LRP6: variants seen among roughly 807,000 people sequenced by gnomAD.
LRP6 encodes the protein low-density lipoprotein receptor-related protein 6.
A neutral mutation model predicts 184.1 loss-of-function variants in LRP6; 43 were observed. That is an observed-to-expected ratio of 0.23 (90% CI 0.18 to 0.30). The LOEUF is 0.30. Among genes scored for constraint, LRP6 ranks in the 10% least tolerant of loss-of-function variants. The probability of loss-of-function intolerance (pLI) is 1.00; values close to 1 mark genes in which losing one functional copy is unlikely to be tolerated. For missense variants in LRP6, 1,571 were observed against 2,005.3 expected (o/e 0.78, Z 4.14); for synonymous variants, 719 against 684.9 (o/e 1.05, Z -0.78).
In LRP6 at chr12:12,147,379, G is replaced by C; in HGVS notation, c.3384C>G (p.Ser1128Arg). The change falls in exon 15 of 23, where the codon AGC (serine) becomes AGG (arginine). Residue 1128 changes from serine (S) to arginine (R), a missense_variant. By Grantham distance (110) the Ser-to-Arg change is moderately radical (BLOSUM62 -1). Around this residue, in one of 4 missense-constraint regions of LRP6, gnomAD observed 763 missense variants for 859.5 expected, o/e 0.89. Coordinates refer to ENST00000261349, the MANE Select transcript of LRP6 (RefSeq NM_002336.3). ...TTTCTTGGGTACCTGAGAGATCACT[G>C]CTTTCAATTCGCCGGAGATCTGAAT... is the stretch of plus-strand genomic sequence containing the variant. ...WADSDLRRIE[S>R]SDLSGANRIV... 5 of 1,614,126 alleles carry C rather than the reference G, an allele frequency of 3.1e-6. No homozygotes were observed. Among genetic ancestry groups the C allele is most frequent in the Non-Finnish European group, 4.2e-6 (5 of 1,180,004 alleles).
Position 12,160,028 on chromosome 12 carries a change from T to C in LRP6, c.2280-64A>G, listed in dbSNP as rs1027260404. 3.3e-6 allele frequency: 4 copies of C among 1,205,782 alleles called. 1 individual carries two copies. The Admixed American group carries it at 8.3e-5, about 25-fold the overall frequency. The allele number at this position is 1,205,782 out of a possible 1,614,324, so 74.7% of individuals were successfully genotyped here. ...TTATTATCTGGGGGAAAGAGTCATA[T>C]TCATGCAAAGTAACTAAATAAATTT... On this transcript the variant is annotated intron_variant, in intron 10 of 22. Coordinates refer to ENST00000261349, the MANE Select transcript of LRP6 (RefSeq NM_002336.3).
In LRP6 at chr12:12,158,985, T is replaced by C; in HGVS notation, c.2635A>G (p.Ile879Val). Reference protein sequence around the residue: ...IQGHLDYVMDILVFHSSRQSG... With the variant: ...IQGHLDYVMDVLVFHSSRQSG... ...TGTCGAGATGAGTGAAAGACGAGGATGTCCATCACATAATCCAAATGGCCC... is the reference window on the plus strand; with the variant it reads ...TGTCGAGATGAGTGAAAGACGAGGACGTCCATCACATAATCCAAATGGCCC... The change falls in exon 12 of 23, where the codon ATC (isoleucine) becomes GTC (valine). Residue 879 changes from isoleucine to valine, a missense_variant. This residue lies in a region of LRP6 where 158 missense variants were observed against 258.4 expected (regional missense o/e 0.61). Transcript: ENST00000261349. 1 of 1,614,218 alleles carries C rather than the reference T, an allele frequency of 6.2e-7. No homozygotes were observed. Among genetic ancestry groups the C allele is most frequent in the South Asian group, 1.1e-5 (1 of 91,092 alleles).
chr12:12,260,377 CA>C (rs34452498), intron 1 of LRP6, among the ~76,000 whole-genome samples: 79,790 of 129,546 alleles, frequency 0.62, 22,801 homozygotes, highest in East Asian at 0.77. Flanking sequence ...GACTCCGTCT[CA>C]AAAAAAAAAA....
rs932622787 is a variant in LRP6, at chr12:12,244,437, A to G, written c.274T>C (p.Ser92Pro). ...AGCCCATCGGGGGACAATAATCCAG[A>G]AACAACAACATTCTGCACACTCTCA... ...KTESVQNVVV[S>P]GLLSPDGLAC... The change falls in exon 2 of 23, where the codon TCT becomes CCT. Residue 92 changes from serine (S) to proline (P), a missense_variant. Around this residue, in one of 4 missense-constraint regions of LRP6, gnomAD observed 640 missense variants for 851.9 expected, o/e 0.75. Coordinates refer to ENST00000261349, the MANE Select transcript of LRP6 (RefSeq NM_002336.3). 1.9e-6 allele frequency: 3 copies of G among 1,614,098 alleles called. No individual in the cohort carries two copies. Among genetic ancestry groups the G allele is most frequent in the Non-Finnish European group, 2.5e-6 (3 of 1,180,050 alleles).
chr12:12,216,569 G>A (rs1439647709), intron 2 of LRP6, among the ~76,000 whole-genome samples: 2 of 151,334 alleles, frequency 1.3e-5, no homozygotes, highest in Non-Finnish European at 1.5e-5. Flanking sequence ...TTCTGCAACC[G>A]TTAGGTAGAA....
intron 19 of LRP6, 51 bp downstream of exon 19, chr12:12,130,732 A>ATTG (rs1565535409): frequency 8.7e-7 from 1 of 1,149,396 alleles, no homozygotes; most frequent in East Asian, 2.4e-5. Context: ...AAGAAAAAAA[A>ATTG]TTGTTTAAAT....
At chr12:12,124,532 C>T (rs776153711) in intron 22 of LRP6, 33 bp downstream of exon 22, 1 of 1,459,946 alleles carries the variant, frequency 6.8e-7, no homozygotes, top group Non-Finnish European at 9.6e-7. Context: ...TCAATAAATA[C>T]TGCACCTTAT....
Position 12,121,374 on chromosome 12 carries a change from A to G in LRP6, c.4594T>C (p.Cys1532Arg), listed in dbSNP as rs748190887. Residue 1532 changes from cysteine to arginine, a missense_variant, in exon 23 of 23, where the codon TGC becomes CGC. By Grantham distance (180) the Cys-to-Arg change is radical. Around this residue, in one of 4 missense-constraint regions of LRP6, gnomAD observed 763 missense variants for 859.5 expected, o/e 0.89. Coordinates refer to ENST00000261349, the MANE Select transcript of LRP6 (RefSeq NM_002336.3). ...YRHFAPPTTPCSTDVCDSDYA... is the reference protein window; with the variant it reads ...YRHFAPPTTPRSTDVCDSDYA... ...TCACTGTCACAAACATCTGTGCTGC[A>G]GGGTGTGGTGGGGGGTGCAAAGTGC... is the stretch of plus-strand genomic sequence containing the variant. 8 of 1,614,080 alleles carry G rather than the reference A, an allele frequency of 5.0e-6. No individual in the cohort carries two copies. The highest frequency in any genetic ancestry group is 5.1e-6 in the Non-Finnish European group (6 of 1,180,020).
At chr12:12,205,118 C>A (rs1219691904) in intron 2 of LRP6, among the ~76,000 whole-genome samples, 1 of 151,650 alleles carries the variant, frequency 6.6e-6, no homozygotes, top group African/African-American at 2.4e-5. Flanking sequence ...CACTTCAGGT[C>A]AGGAGTTCAA....
intron 2 of LRP6, among the ~76,000 whole-genome samples, chr12:12,221,150 T>C (rs1864478087): frequency 6.6e-6 from 1 of 152,206 alleles, no homozygotes; most frequent in Non-Finnish European, 1.5e-5. Flanking sequence ...CTTCTTTCTG[T>C]ACACACATTT....
At chr12:12,198,301 A>G (rs978167863) in intron 3 of LRP6, among the ~76,000 whole-genome samples, 1 of 151,916 alleles carries the variant, frequency 6.6e-6, no homozygotes, top group Non-Finnish European at 1.5e-5. Context: ...AAAGAGTCTT[A>G]TTATCTGTAT....
intron 1 of LRP6, 79 bp downstream of exon 1, chr12:12,266,602 T>TC: frequency 6.0e-6 from 4 of 670,432 alleles, no homozygotes; most frequent in East Asian, 3.7e-5. Context: ...CCTCCGTCCC[T>TC]CCCCTCCCCC....
chr12:12,120,045 A>G lies in LRP6; in HGVS notation c.*1081T>C, dbSNP rs1228846035. 6.1e-5 allele frequency: 7 copies of G among 115,378 alleles called. No individual in the cohort carries two copies. The highest frequency in any genetic ancestry group is 1.9e-4 in the African/African-American group (6 of 30,902). The allele number at this position is 115,378 out of a possible 1,614,324, so 7.1% of individuals were successfully genotyped here. On this transcript the variant is annotated 3_prime_UTR_variant, in exon 23 of 23. Transcript: ENST00000261349. Reference sequence around the variant, plus strand: ...TATATATATATATATATATATATAAATGATTTCGTACTGTGATATATGCTG... The same window carrying G: ...TATATATATATATATATATATATAAGTGATTTCGTACTGTGATATATGCTG...
chr12:12,179,407 TATAGATATAG>T (rs1204970121), intron 7 of LRP6, among the ~76,000 whole-genome samples: 2 of 144,382 alleles, frequency 1.4e-5, no homozygotes, highest in African/African-American at 2.5e-5. Context: ...TAGATATAGA[TATAGATATAG>T]ATATACACAT....
rs905591330 is a variant in LRP6, at chr12:12,116,851, G to A, written c.*4275C>T. 1.3e-5 allele frequency: 2 copies of A among 152,098 alleles called. No homozygotes were observed. Among genetic ancestry groups the A allele is most frequent in the Non-Finnish European group, 2.9e-5 (2 of 68,024 alleles). 9.4% of individuals were successfully genotyped at this position (152,098 alleles called of 1,614,324 possible). A position where few individuals can be genotyped will look rare whatever the true frequency, so the allele number is the denominator to read the frequency against. On this transcript the variant is annotated 3_prime_UTR_variant, in exon 23 of 23. Transcript: ENST00000261349. The stretch of plus-strand genomic sequence containing the variant: ...GAGGGTGAGGGTAGAGTCAGTAACT[G>A]ATTAACCTAAGACTCCACCTTCCAC...
In LRP6 at chr12:12,240,296, G is replaced by A. The variant is rs116041677; in HGVS notation, c.449+3966C>T. Among the ~76,000 whole-genome samples the A allele has an allele frequency of 3.1e-3, 474 of 152,146 alleles. 3 individuals carry two copies. The highest frequency in any genetic ancestry group is 0.011 in the African/African-American group (440 of 41,510). On this transcript the variant is annotated intron_variant, in intron 2 of 22. Coordinates refer to ENST00000261349, the MANE Select transcript of LRP6 (RefSeq NM_002336.3). ...ATACAAAAAGAATCTTTTTATGGCC[G>A]GGCACAGTGGCTCACGCCTGTAATG...
intron 3 of LRP6, among the ~76,000 whole-genome samples, chr12:12,195,584 C>G (rs571569579): frequency 4.9e-4 from 75 of 152,072 alleles, no homozygotes; most frequent in Non-Finnish European, 8.8e-4. Flanking sequence ...CCTGTATATT[C>G]TGGATATTAA....
intron 22 of LRP6, among the ~76,000 whole-genome samples, chr12:12,124,148 C>T (rs142989458): frequency 0.012 from 1,882 of 151,746 alleles, 24 homozygotes; most frequent in Non-Finnish European, 0.02. Flanking sequence ...CCAAGGCAGG[C>T]GGATCACCTG....
intron 2 of LRP6, among the ~76,000 whole-genome samples, chr12:12,233,602 A>G (rs1864848093): frequency 2.0e-5 from 3 of 152,234 alleles, no homozygotes; most frequent in Admixed American, 1.3e-4. Context: ...GAACTGCTCT[A>G]GAAAAACCAC....
Sources: allele counts gnomAD v4.1 joint callset (sites outside exome capture counted in the v4.1 genomes callset), GRCh38; gene constraint gnomAD v4.1.1; regional missense constraint gnomAD v4.1.1; transcripts MANE v1.5; gene names NCBI Gene and HGNC (gene_info 2026-07-23, HGNC 2026-07-21).